The following FGF14 variants were observed in gnomAD, a reference collection of about 807,000 sequenced individuals.
FGF14 encodes fibroblast growth factor homologous factor 4.
Under a neutral mutation model 25.5 loss-of-function variants are expected in FGF14, and 5 were observed. The ratio of observed to expected loss-of-function variants is 0.20; its 90% CI spans 0.10 to 0.41. FGF14 has a LOEUF of 0.41. Among genes scored for constraint, FGF14 ranks in the 10% least tolerant of loss-of-function variants. The pLI, the probability that FGF14 is intolerant of heterozygous loss-of-function variation, is 1.00. For synonymous variants in FGF14, 138 were observed against 118.3 expected (o/e 1.17, Z -1.08); for missense variants, 222 against 320.1 (o/e 0.69, Z 2.34).
chr13:102,066,706 G>A (rs2042917505), intron 1 of FGF14, among the ~76,000 whole-genome samples: 2 of 152,140 alleles, frequency 1.3e-5, no homozygotes, highest in African/African-American at 4.8e-5. Context: ...TAGGAGTTCT[G>A]ACGGTCTTTC....
At chr13:102,186,616 C>T (rs1359993836) in intron 1 of FGF14, among the ~76,000 whole-genome samples, 2 of 152,044 alleles carry the variant, frequency 1.3e-5, no homozygotes, top group Non-Finnish European at 2.9e-5. Flanking sequence ...TAAAGTTTGA[C>T]ATGTCTATAC....
chr13:102,043,812 A>G (rs1332272140), intron 1 of FGF14, among the ~76,000 whole-genome samples: 1 of 152,072 alleles, frequency 6.6e-6, no homozygotes, highest in Non-Finnish European at 1.5e-5. Flanking sequence ...CTCACTTTAG[A>G]TGGTCTCCAG....
chr13:101,869,186 C>A (rs2044899754), intron 2 of FGF14, among the ~76,000 whole-genome samples: 1 of 152,100 alleles, frequency 6.6e-6, no homozygotes, highest in South Asian at 2.1e-4. Context: ...TTTTAAAAGT[C>A]CAAGTCGAGT....
intron 1 of FGF14, among the ~76,000 whole-genome samples, chr13:102,345,550 G>A (rs1234513236): frequency 6.6e-6 from 1 of 152,132 alleles, no homozygotes; most frequent in Non-Finnish European, 1.5e-5. Flanking sequence ...TAAAAAGCTG[G>A]AGCATGCTTG....
chr13:101,981,372 A>C (rs548619180), intron 1 of FGF14, among the ~76,000 whole-genome samples: 6 of 152,262 alleles, frequency 3.9e-5, no homozygotes, highest in African/African-American at 1.2e-4. Flanking sequence ...CGAACCAGGA[A>C]ACAGGCTTTC....
intron 1 of FGF14, among the ~76,000 whole-genome samples, chr13:102,351,534 T>G (rs1032178309): frequency 1.3e-5 from 2 of 152,238 alleles, no homozygotes; most frequent in East Asian, 3.9e-4. Flanking sequence ...ACAACAAAGA[T>G]GTATTATCTG....
intron 1 of FGF14, among the ~76,000 whole-genome samples, chr13:101,890,957 G>A (rs1566385801): frequency 6.6e-6 from 1 of 151,972 alleles, no homozygotes; most frequent in Non-Finnish European, 1.5e-5. Flanking sequence ...GAAGACAAGG[G>A]GAATAATGTC....
chr13:102,205,924 C>T lies in FGF14; in HGVS notation c.208+195547G>A, dbSNP rs572439824. On this transcript the variant is annotated intron_variant, in intron 1 of 4. Transcript: ENST00000376131. ...ACACTAGACTATCCAGTTGGGGTGA[C>T]GTGGACCAGTCACTGGGACTTGGCT... 1.6e-4 allele frequency among the ~76,000 whole-genome samples: 21 copies of T among 134,300 alleles called. No homozygotes were observed. The South Asian group carries it at 4.6e-3, about 30-fold the overall frequency. 88.1% of individuals were successfully genotyped at this position (134,300 alleles called of 152,430 possible).
intron 3 of FGF14, among the ~76,000 whole-genome samples, chr13:101,850,514 AGAATTATATATTC>A (rs1352263800): frequency 4.3e-4 from 1 of 2,304 alleles, no homozygotes; most frequent in Non-Finnish European, 9.3e-4. Context: ...ATATATATAT[AGAATTATATATTC>A]TATATATATA....
At chr13:101,957,214 A>G (rs572131013) in intron 1 of FGF14, among the ~76,000 whole-genome samples, 16 of 152,310 alleles carry the variant, frequency 1.1e-4, no homozygotes, top group African/African-American at 3.8e-4. Flanking sequence ...CATCCCTTGA[A>G]TGCTGCACTT....
chr13:102,086,210 A>T (rs1396713727), intron 1 of FGF14, among the ~76,000 whole-genome samples: 1 of 152,142 alleles, frequency 6.6e-6, no homozygotes, highest in Non-Finnish European at 1.5e-5. Context: ...GCTAATTTCA[A>T]CTCCAAATAC....
chr13:101,961,267 A>G (rs999586222), intron 1 of FGF14, among the ~76,000 whole-genome samples: 1 of 151,292 alleles, frequency 6.6e-6, no homozygotes, highest in African/African-American at 2.4e-5. Flanking sequence ...TTGTCCATGC[A>G]TATGTCCTGA....
chr13:102,238,271 A>G (rs944937186), intron 1 of FGF14, among the ~76,000 whole-genome samples: 2 of 152,222 alleles, frequency 1.3e-5, no homozygotes, highest in African/African-American at 2.4e-5. Context: ...AAATGCCACA[A>G]TTCAAAATAA....
At chr13:101,823,294 G>A (rs1349225165) in intron 3 of FGF14, among the ~76,000 whole-genome samples, 1 of 150,770 alleles carries the variant, frequency 6.6e-6, no homozygotes, top group Non-Finnish European at 1.5e-5. Context: ...CAAAGGAGCT[G>A]TTCTTCGTGC....
chr13:102,241,257 G>C (rs1003780539), intron 1 of FGF14, among the ~76,000 whole-genome samples: 24 of 152,004 alleles, frequency 1.6e-4, no homozygotes, highest in Admixed American at 1.4e-3. Flanking sequence ...CCTTTGCATA[G>C]ATAGGACAGA....
At chr13:101,851,323 G>A (rs1315996852) in intron 3 of FGF14, among the ~76,000 whole-genome samples, 1 of 151,986 alleles carries the variant, frequency 6.6e-6, no homozygotes, top group East Asian at 1.9e-4. Context: ...AGCAAACTCA[G>A]CATGGGAGAA....
At chr13:101,907,856 G>C (rs2032434445) in intron 1 of FGF14, among the ~76,000 whole-genome samples, 1 of 152,130 alleles carries the variant, frequency 6.6e-6, no homozygotes, top group African/African-American at 2.4e-5. Context: ...CTGAGTAGGA[G>C]AGATGGTCTA....
intron 1 of FGF14, among the ~76,000 whole-genome samples, chr13:102,399,123 G>A (rs937686749): frequency 2.0e-5 from 3 of 151,868 alleles, no homozygotes; most frequent in Non-Finnish European, 4.4e-5. Context: ...TTGGAAGGGG[G>A]GAAAAACTAT....
chr13:102,034,267 T>C (rs16959648), intron 1 of FGF14, among the ~76,000 whole-genome samples: 4,924 of 152,170 alleles, frequency 0.032, 257 homozygotes, highest in African/African-American at 0.11. Flanking sequence ...ACATTACAAG[T>C]CAGCTGGAAC....
Sources: gnomAD v4.1 joint callset for allele counts (sites outside exome capture counted in the v4.1 genomes callset) on GRCh38, gnomAD v4.1.1 for gene constraint, MANE v1.5 for transcripts, NCBI Gene and HGNC (gene_info 2026-07-23, HGNC 2026-07-21) for gene names.